URGCP: variants seen among roughly 807,000 people sequenced by gnomAD.
URGCP encodes upregulator of cell proliferation.
URGCP carries 13 observed loss-of-function variants against 24.6 expected under a neutral mutation model. The ratio of observed to expected loss-of-function variants is 0.53; its 90% confidence interval spans 0.34 to 0.84. The LOEUF (loss-of-function observed/expected upper bound fraction) is 0.84, where lower values mean the gene tolerates loss of function less well. URGCP is among the 40% of genes least tolerant of loss of function. URGCP has a pLI of 0.01. For synonymous variants in URGCP, 444 were observed against 487.2 expected (o/e 0.91, Z 1.17); for missense variants, 899 against 1,194.3 (o/e 0.75, Z 3.64).
intron 5 of URGCP, chr7:43,881,251 G>T: frequency 1.4e-6 from 1 of 702,886 alleles, no homozygotes; most frequent in East Asian, 2.7e-5. Context: ...AGGTTGTTTG[G>T]AAGCTCTGGG....
At chr7:43,885,532 C>T (rs2095860866) in intron 3 of URGCP, among the ~76,000 whole-genome samples, 1 of 152,148 alleles carries the variant, frequency 6.6e-6, no homozygotes, top group African/African-American at 2.4e-5. Flanking sequence ...AGAATAACCA[C>T]TGGAGGTTTA....
intron 1 of URGCP, 183 bp downstream of exon 1, chr7:43,906,379 G>T (rs1260251746): frequency 9.1e-6 from 4 of 438,494 alleles, no homozygotes; most frequent in Non-Finnish European, 1.0e-5. Flanking sequence ...ACGCCCGCGC[G>T]GCCGGTCCGC....
intron 1 of URGCP, among the ~76,000 whole-genome samples, chr7:43,902,969 A>G (rs1240574424): frequency 1.3e-5 from 2 of 152,194 alleles, no homozygotes; most frequent in African/African-American, 4.8e-5. Flanking sequence ...TAACCATGCC[A>G]TGGAATATTA....
chr7:43,912,670 T>C (rs1173774451), intron 1 of URGCP, among the ~76,000 whole-genome samples: 1 of 152,222 alleles, frequency 6.6e-6, no homozygotes, highest in Non-Finnish European at 1.5e-5. Context: ...TAGTGACATC[T>C]TAACAATATT....
intron 1 of URGCP, among the ~76,000 whole-genome samples, chr7:43,915,779 C>T (rs983792896): frequency 6.6e-6 from 1 of 152,216 alleles, no homozygotes; most frequent in African/African-American, 2.4e-5. Context: ...GAGGCTGAGG[C>T]GGGCAGATCA....
intron 3 of URGCP, among the ~76,000 whole-genome samples, chr7:43,882,264 G>A (rs1159688773): frequency 2.6e-5 from 4 of 152,232 alleles, no homozygotes; most frequent in South Asian, 2.1e-4. Flanking sequence ...CCAACATGGC[G>A]AAAAACCATC....
At chr7:43,898,004 G>C (rs1030744264) in intron 1 of URGCP, among the ~76,000 whole-genome samples, 2 of 152,160 alleles carry the variant, frequency 1.3e-5, no homozygotes, top group Non-Finnish European at 2.9e-5. Flanking sequence ...AGACTGGCCC[G>C]AGACCCCTAC....
At chr7:43,907,495 ATAAAAT>A (rs1318567247), upstream of URGCP, among the ~76,000 whole-genome samples, 1 of 151,940 alleles carries the variant, frequency 6.6e-6, no homozygotes, top group Non-Finnish European at 1.5e-5. Context: ...ATTTTTAAAA[ATAAAAT>A]TAAAGTTAAA....
intron 5 of URGCP, among the ~76,000 whole-genome samples, chr7:43,880,105 T>G (rs1333218304): frequency 6.6e-6 from 1 of 152,128 alleles, no homozygotes; most frequent in Non-Finnish European, 1.5e-5. Flanking sequence ...TGTATTTTTT[T>G]GTAGAGATGG....
At chr7:43,898,351 G>A (rs916121595) in intron 1 of URGCP, among the ~76,000 whole-genome samples, 4 of 152,214 alleles carry the variant, frequency 2.6e-5, no homozygotes, top group Non-Finnish European at 5.9e-5. Context: ...AGAAACAATG[G>A]AAGGAGAGAG....
chr7:43,887,412 T>C lies in URGCP; in HGVS notation c.112+3A>G, dbSNP rs2095863741. The C allele has an allele frequency of 3.1e-6, 5 of 1,613,490 alleles. No individual in the cohort carries two copies. Among genetic ancestry groups the C allele is most frequent in the African/African-American group, 1.3e-5 (1 of 74,934 alleles). On this transcript the variant is annotated splice_donor_region_variant and intron_variant, in intron 3 of 5. Coordinates refer to ENST00000453200, the MANE Select transcript of URGCP (RefSeq NM_001077663.3). ...GGCCCACATCCAATTCATCCAACTT[T>C]ACCTGCAATGGCCACAGCTGTTCGT...
upstream of URGCP, among the ~76,000 whole-genome samples, chr7:43,909,156 C>T (rs1415462820): frequency 2.0e-5 from 3 of 152,160 alleles, no homozygotes; most frequent in Non-Finnish European, 4.4e-5. Context: ...TAAGGCTCTT[C>T]TGAAACATAT....
chr7:43,887,371 C>CT (rs778440868), intron 3 of URGCP, 44 bp downstream of exon 3: 2 of 1,609,532 alleles, frequency 1.2e-6, no homozygotes, highest in East Asian at 4.5e-5. Flanking sequence ...AGGAGAAGTA[C>CT]TTCAGCTCCA....
At chr7:43,919,888 A>C in intron 1 of URGCP, 1 of 1,304,910 alleles carries the variant, frequency 7.7e-7, no homozygotes, top group Non-Finnish European at 1.1e-6. Flanking sequence ...CAATATGACA[A>C]GCTGCGGAAG....
chr7:43,924,432 T>G (rs1456787771), intron 1 of URGCP, among the ~76,000 whole-genome samples: 1 of 152,208 alleles, frequency 6.6e-6, no homozygotes, highest in African/African-American at 2.4e-5. Context: ...ATTTGAGACT[T>G]CAAAACCACC....
rs769334687 is a variant in URGCP, at chr7:43,878,980, A to G, written c.483T>C (p.Ala161=). ...MEEEIIYWDP[A]DDLAADIYSF... The stretch of plus-strand genomic sequence containing the variant: ...AATAAATGTCGGCAGCAAGGTCATC[A>G]GCTGGGTCCCAGTAGATGATCTCCT... The change falls in exon 6 of 6, where the codon GCT becomes GCC. Residue 161 remains alanine (A), a synonymous_variant. Coordinates refer to ENST00000453200, the MANE Select transcript of URGCP (RefSeq NM_001077663.3). This position sits in a 1 kb window ranked among gnomAD's most constrained non-coding sequence, Gnocchi z 5.6. 1.2e-6 allele frequency: 2 copies of G among 1,614,240 alleles called. No individual in the cohort carries two copies. Among genetic ancestry groups the G allele is most frequent in the Non-Finnish European group, 1.7e-6 (2 of 1,180,042 alleles).
intron 3 of URGCP, among the ~76,000 whole-genome samples, chr7:43,885,200 G>A (rs767307540): frequency 2.0e-4 from 31 of 151,510 alleles, no homozygotes; most frequent in African/African-American, 6.8e-4. Context: ...TCCCAGGTTC[G>A]AGCGATTCTC....
chr7:43,914,510 T>TA (rs1305133205), intron 1 of URGCP, among the ~76,000 whole-genome samples: 2 of 152,020 alleles, frequency 1.3e-5, no homozygotes, highest in Non-Finnish European at 2.9e-5. Context: ...CTCAAAAAAA[T>TA]AAAAAATAAG....
At chr7:43,886,810 A>G (rs1157924223) in intron 3 of URGCP, among the ~76,000 whole-genome samples, 1 of 152,178 alleles carries the variant, frequency 6.6e-6, no homozygotes, top group Non-Finnish European at 1.5e-5. Flanking sequence ...TATAAAACAA[A>G]ATGAGTTAGT....
Sources: gnomAD v4.1 joint callset for allele counts (sites outside exome capture counted in the v4.1 genomes callset) on GRCh38, gnomAD v4.1.1 for gene constraint, Gnocchi (gnomAD v3.1) non-coding constraint, MANE v1.5 for transcripts, NCBI Gene and HGNC (gene_info 2026-07-23, HGNC 2026-07-21) for gene names.